The following MCCC1 variants were observed in gnomAD, a reference collection of about 807,000 sequenced individuals.
The protein encoded by MCCC1 is methylcrotonoyl-CoA carboxylase subunit alpha, mitochondrial.
MCCC1 carries 64 observed loss-of-function variants against 83.8 expected under a neutral mutation model. The observed-to-expected ratio is 0.76, with a 90% CI of 0.62 to 0.94. The LOEUF (loss-of-function observed/expected upper bound fraction) is 0.94. MCCC1 is among the 40% of genes least tolerant of loss of function. MCCC1 has a pLI of 0.00. For missense variants in MCCC1, 807 were observed against 904.7 expected (o/e 0.89, Z 1.39); for synonymous variants, 322 against 315.4 (o/e 1.02, Z -0.22).
At chr3:183,021,184 T>C (rs895081859) in intron 16 of MCCC1, among the ~76,000 whole-genome samples, 15 of 152,176 alleles carry the variant, frequency 9.9e-5, no homozygotes, top group African/African-American at 3.4e-4. Context: ...AACACACACA[T>C]CATGTCGTGA....
intron 5 of MCCC1, 76 bp downstream of exon 5, chr3:183,072,290 G>T: frequency 6.5e-7 from 1 of 1,542,958 alleles, no homozygotes; most frequent in Non-Finnish European, 8.9e-7. Context: ...GGTATTACAG[G>T]CATAGCCACA....
In MCCC1 at chr3:183,015,537, T is replaced by C. The variant is rs1203426656; in HGVS notation, c.2079A>G (p.Thr693=). ...EHTIKSPKDG[T]VKKVFYREGA... ...CTTCTCTGTAGAACACTTTCTTTACTGTGCCATCCTTTGGAGACTTTATGG... is the reference window on the plus strand; with the variant it reads ...CTTCTCTGTAGAACACTTTCTTTACCGTGCCATCCTTTGGAGACTTTATGG... Residue 693 remains threonine (T), a synonymous_variant, in exon 19 of 19, where the codon ACA becomes ACG. Transcript: ENST00000265594. 1.9e-6 allele frequency: 3 copies of C among 1,614,070 alleles called. No homozygotes were observed. Among genetic ancestry groups the C allele is most frequent in the Non-Finnish European group, 2.5e-6 (3 of 1,180,012 alleles).
intron 4 of MCCC1, among the ~76,000 whole-genome samples, chr3:183,076,351 A>C (rs181769460): frequency 5.5e-4 from 83 of 152,264 alleles, no homozygotes; most frequent in Non-Finnish European, 3.1e-4. Flanking sequence ...CATGTTATGG[A>C]GTGTGTCAGT....
intron 1 of MCCC1, among the ~76,000 whole-genome samples, chr3:183,113,360 T>G (rs951088827): frequency 2.3e-5 from 3 of 131,682 alleles, no homozygotes; most frequent in African/African-American, 8.8e-5. Flanking sequence ...AGGTGGGAAT[T>G]GAACAATGAG....
In MCCC1 at chr3:183,034,058, C is replaced by T. The variant is rs34749281; in HGVS notation, c.1614G>A (p.Ser538=). 23,632 of 1,609,446 alleles carry T rather than the reference C, an allele frequency of 0.015. 221 individuals are homozygous for T. The highest frequency in any genetic ancestry group is 0.017 in the Middle Eastern group (91 of 5,476). ...TATTCAGTCTTCTTCCACTGCTAGACGAAAATGGAGAGAATTGATCTAGAA... is the reference window on the plus strand; with the variant it reads ...TATTCAGTCTTCTTCCACTGCTAGATGAAAATGGAGAGAATTGATCTAGAA... ...LQAHDQFSPF[S]SSSGRRLNIS... The change falls in exon 14 of 19, where the codon TCG becomes TCA. Residue 538 remains serine, a synonymous_variant. Coordinates refer to ENST00000265594, the MANE Select transcript of MCCC1 (RefSeq NM_020166.5).
At chr3:183,034,598 ATC>A (rs1713404142) in intron 13 of MCCC1, among the ~76,000 whole-genome samples, 1 of 152,194 alleles carries the variant, frequency 6.6e-6, no homozygotes, top group South Asian at 2.1e-4. Context: ...CTATTGAAGA[ATC>A]TGAATATTTG....
chr3:183,057,312 G>A lies in MCCC1; in HGVS notation c.872C>T (p.Ala291Val), dbSNP rs201041864. 1.5e-4 allele frequency: 247 copies of A among 1,598,522 alleles called. No individual in the cohort carries two copies. Among genetic ancestry groups the A allele is most frequent in the Admixed American group, 3.1e-4 (18 of 58,616 alleles). Residue 291 changes from alanine (A) to valine (V), a missense_variant and splice_region_variant, in exon 8 of 19, where the codon GCG (alanine) becomes GTG (valine). Ala to Val is a moderately conservative substitution (Grantham distance 64). Transcript: ENST00000265594. ...CAAATTTCTTTCCAAGGTCCTTACCGCTGGGGCCTCCTCAATGATCTTCTG... is the reference window on the plus strand; with the variant it reads ...CAAATTTCTTTCCAAGGTCCTTACCACTGGGGCCTCCTCAATGATCTTCTG... ...RHQKIIEEAP[A>V]PGIKSEVRKK...
intron 1 of MCCC1, among the ~76,000 whole-genome samples, chr3:183,105,549 C>T (rs906253267): frequency 2.0e-5 from 3 of 152,052 alleles, no homozygotes; most frequent in Admixed American, 6.6e-5. Flanking sequence ...ATCCTCTAGG[C>T]AAGAAAAGTT....
chr3:183,023,784 T>C (rs916012107), intron 15 of MCCC1, among the ~76,000 whole-genome samples: 5 of 152,204 alleles, frequency 3.3e-5, no homozygotes, highest in African/African-American at 1.2e-4. Context: ...CTATAGGAAT[T>C]TGATTGAATT....
At chr3:183,072,261 C>T (rs1716751930) in intron 5 of MCCC1, 105 bp downstream of exon 5, 1 of 1,344,158 alleles carries the variant, frequency 7.4e-7, no homozygotes, top group Admixed American at 1.9e-5. Flanking sequence ...ATCCTCCTGC[C>T]TCAGTCTCCC....
At chr3:183,093,330 C>G (rs1449523407) in intron 2 of MCCC1, among the ~76,000 whole-genome samples, 2 of 152,164 alleles carry the variant, frequency 1.3e-5, no homozygotes, top group African/African-American at 4.8e-5. Context: ...GATGAAGAAA[C>G]TAATGCTGAA....
chr3:183,092,843 G>A (rs1298517078), intron 2 of MCCC1, among the ~76,000 whole-genome samples: 1 of 152,026 alleles, frequency 6.6e-6, no homozygotes, highest in Non-Finnish European at 1.5e-5. Context: ...AATTATAATA[G>A]TGTTAAATTA....
intron 14 of MCCC1, among the ~76,000 whole-genome samples, chr3:183,030,526 C>G (rs765341722): frequency 3.3e-5 from 5 of 152,178 alleles, no homozygotes; most frequent in Non-Finnish European, 7.3e-5. Context: ...GAACATTTAG[C>G]CTTCTGCATA....
intron 5 of MCCC1, 148 bp from the exon 6 acceptor site, chr3:183,071,505 T>C (rs1716687417): frequency 1.7e-6 from 2 of 1,191,698 alleles, no homozygotes; most frequent in African/African-American, 3.1e-5. Flanking sequence ...ACAAATTTAA[T>C]ATGTCTATTA....
chr3:183,067,422 C>G (rs1348112074), intron 7 of MCCC1, among the ~76,000 whole-genome samples: 1 of 152,190 alleles, frequency 6.6e-6, no homozygotes, highest in Admixed American at 6.5e-5. Context: ...AATAATTATT[C>G]TTGCTGCACT....
At chr3:183,089,735 A>G (rs1289573574) in intron 3 of MCCC1, among the ~76,000 whole-genome samples, 1 of 152,180 alleles carries the variant, frequency 6.6e-6, no homozygotes, top group East Asian at 1.9e-4. Context: ...TGAGGGGGGA[A>G]GGATCTAGAG....
chr3:183,066,897 A>G lies in MCCC1; in HGVS notation c.761+4102T>C, dbSNP rs2108519398. Among the ~76,000 whole-genome samples, 2 of 152,362 alleles carry G rather than the reference A, an allele frequency of 1.3e-5. 1 individual carries two copies. Among genetic ancestry groups the G allele is most frequent in the South Asian group, 4.1e-4 (2 of 4,828 alleles). ...CTATTGACAGCTTTTTAAACAATTA[A>G]GTAATGTGCACACTCATAAACAAAA... On this transcript the variant is annotated intron_variant, in intron 7 of 18. Coordinates refer to ENST00000265594, the MANE Select transcript of MCCC1 (RefSeq NM_020166.5).
rs74380421 is a variant in MCCC1, at chr3:183,092,139, G to A, written c.273+270C>T. ...ACATGAGCTACTCAAAGTGTAGTCAGTGGATCCGCAACATTCTGTGAACCG... is the reference window on the plus strand; with the variant it reads ...ACATGAGCTACTCAAAGTGTAGTCAATGGATCCGCAACATTCTGTGAACCG... On this transcript the variant is annotated intron_variant, in intron 3 of 18. Coordinates refer to ENST00000265594, the MANE Select transcript of MCCC1 (RefSeq NM_020166.5). 0.013 allele frequency among the ~76,000 whole-genome samples: 1,935 copies of A among 152,262 alleles called. 100 individuals carry two copies. The highest frequency in any genetic ancestry group is 0.071 in the East Asian group (367 of 5,184).
At chr3:183,082,466 TG>T (rs1218290164) in intron 4 of MCCC1, among the ~76,000 whole-genome samples, 1 of 152,218 alleles carries the variant, frequency 6.6e-6, no homozygotes, top group Non-Finnish European at 1.5e-5. Context: ...TTAAGTCCAT[TG>T]TTTACTTAAA....
Sources: gnomAD v4.1 joint callset for allele counts (sites outside exome capture counted in the v4.1 genomes callset) on GRCh38, gnomAD v4.1.1 for gene constraint, MANE v1.5 for transcripts, NCBI Gene and HGNC (gene_info 2026-07-23, HGNC 2026-07-21) for gene names.